Variants in CAAP1 observed in about 807,000 individuals in gnomAD.
CAAP1 encodes the protein caspase activity and apoptosis inhibitor 1.
In CAAP1, 20 loss-of-function variants were observed where a neutral mutation model predicts 34.0. That is an observed-to-expected ratio of 0.59 (90% CI 0.41 to 0.86). The LOEUF is 0.86. Ranked by LOEUF, CAAP1 falls within the 40% of genes least tolerant of loss-of-function variation. The pLI is 0.00. For missense variants in CAAP1, 538 were observed against 450.5 expected, an observed-to-expected ratio of 1.19 and a Z score of -1.76; for synonymous variants, 213 against 166.7, an observed-to-expected ratio of 1.28 and a Z score of -2.14.
intron 4 of CAAP1, among the ~76,000 whole-genome samples, chr9:26,874,345 T>C (rs12338827): frequency 0.079 from 11,954 of 151,952 alleles, 687 homozygotes; most frequent in African/African-American, 0.16. Context: ...ATATCCATCA[T>C]CTCAAACTCA....
intron 5 of CAAP1, among the ~76,000 whole-genome samples, chr9:26,849,157 T>G (rs1822684917): frequency 6.6e-6 from 1 of 152,220 alleles, no homozygotes; most frequent in Non-Finnish European, 1.5e-5. Flanking sequence ...GGTACATTGG[T>G]GAGTAGCTAG....
At chr9:26,846,810 C>T (rs140822204) in intron 5 of CAAP1, among the ~76,000 whole-genome samples, 1 of 152,038 alleles carries the variant, frequency 6.6e-6, no homozygotes, top group East Asian at 1.9e-4. Context: ...GCCTCAGCCT[C>T]CCAAGTAGCT....
intron 5 of CAAP1, among the ~76,000 whole-genome samples, chr9:26,845,805 T>A (rs1822586280): frequency 6.6e-6 from 1 of 152,248 alleles, no homozygotes; most frequent in African/African-American, 2.4e-5. Context: ...TTCCCTTTTC[T>A]CCAAAAGATT....
chr9:26,886,011 A>C (rs1470974218), intron 3 of CAAP1, 93 bp downstream of exon 3: 2 of 530,496 alleles, frequency 3.8e-6, no homozygotes, highest in East Asian at 6.4e-5. Flanking sequence ...TAATGAAATT[A>C]AATATCCAAG....
At chr9:26,872,574 T>TATATATATATATATA (rs1563888459) in intron 4 of CAAP1, among the ~76,000 whole-genome samples, 6 of 138,198 alleles carry the variant, frequency 4.3e-5, no homozygotes, top group African/African-American at 1.5e-4. Context: ...ATATATATAT[T>TATATATATATATATA]TAGACAGAGT....
chr9:26,851,780 G>A (rs981476695), intron 5 of CAAP1, among the ~76,000 whole-genome samples: 5 of 152,124 alleles, frequency 3.3e-5, no homozygotes, highest in South Asian at 4.1e-4. Flanking sequence ...TCCAAGCATC[G>A]GAGTTTGGAA....
chr9:26,855,262 A>G (rs1425121901), intron 5 of CAAP1, among the ~76,000 whole-genome samples: 1 of 152,240 alleles, frequency 6.6e-6, no homozygotes, highest in African/African-American at 2.4e-5. Context: ...AAAACTACAG[A>G]GATTCCAGGA....
At chr9:26,859,716 A>C (rs1822963181) in intron 5 of CAAP1, among the ~76,000 whole-genome samples, 1 of 152,214 alleles carries the variant, frequency 6.6e-6, no homozygotes, top group Non-Finnish European at 1.5e-5. Flanking sequence ...TTAAACTATG[A>C]ATCTGAGTTT....
chr9:26,873,176 C>T (rs577683437), intron 4 of CAAP1, among the ~76,000 whole-genome samples: 44 of 152,192 alleles, frequency 2.9e-4, no homozygotes, highest in Admixed American at 1.0e-3. Context: ...TCACTTATCA[C>T]TTCAGCAGTG....
At chr9:26,890,863 T>C (rs1300610173) in intron 1 of CAAP1, among the ~76,000 whole-genome samples, 1 of 152,006 alleles carries the variant, frequency 6.6e-6, no homozygotes, top group Non-Finnish European at 1.5e-5. Flanking sequence ...GGGAATGGCC[T>C]GAACCCGGGA....
At chr9:26,875,824 G>T (rs557384132) in intron 4 of CAAP1, among the ~76,000 whole-genome samples, 108 of 152,130 alleles carry the variant, frequency 7.1e-4, no homozygotes, top group Middle Eastern at 3.4e-3. Context: ...CCAGATTGTG[G>T]TGTGATCTCC....
intron 4 of CAAP1, among the ~76,000 whole-genome samples, chr9:26,863,640 T>C (rs1823055876): frequency 6.6e-6 from 1 of 152,120 alleles, no homozygotes; most frequent in Non-Finnish European, 1.5e-5. Context: ...CAAATATTTC[T>C]ATCAAACACT....
At chr9:26,862,846 T>C (rs1823034988) in intron 4 of CAAP1, among the ~76,000 whole-genome samples, 1 of 152,104 alleles carries the variant, frequency 6.6e-6, no homozygotes. Context: ...ATAGAGTATC[T>C]CTATCTCTTG....
At chr9:26,853,596 T>C (rs1468469904) in intron 5 of CAAP1, among the ~76,000 whole-genome samples, 1 of 152,140 alleles carries the variant, frequency 6.6e-6, no homozygotes, top group East Asian at 1.9e-4. Context: ...AAATAACCAA[T>C]GCTGTCAAAT....
intron 4 of CAAP1, among the ~76,000 whole-genome samples, chr9:26,874,152 A>G (rs895314569): frequency 2.1e-5 from 3 of 141,872 alleles, no homozygotes; most frequent in Non-Finnish European, 4.5e-5. Flanking sequence ...ACTTGCAGTG[A>G]GCCTAGATCA....
At chr9:26,889,724 T>C (rs759615337) in intron 1 of CAAP1, among the ~76,000 whole-genome samples, 16 of 151,422 alleles carry the variant, frequency 1.1e-4, no homozygotes, top group Non-Finnish European at 2.1e-4. Context: ...AAGCATTAAC[T>C]GGGCGTTGTG....
Position 26,884,847 on chromosome 9 carries a change from C to T in CAAP1, c.628G>A (p.Asp210Asn). 1 of 1,609,758 alleles carries T rather than the reference C, an allele frequency of 6.2e-7. No homozygotes were observed. The change falls in exon 4 of 6, where the codon GAT becomes AAT. Residue 210 changes from aspartate (D) to asparagine (N), a missense_variant. Physicochemically the swap from Asp to Asn is conservative, Grantham distance 23 (BLOSUM62 1). Around this residue, in one of 3 missense-constraint regions of CAAP1, gnomAD observed 514 missense variants for 408.4 expected, o/e 1.26. Transcript: ENST00000333916. The stretch of plus-strand genomic sequence containing the variant: ...TCAGATCCCATCTTAGAACCATCAT[C>T]TGCTTCCTCTTCCATATCAGAGTCC... Reference protein sequence around the residue: ...GMDSDMEEEADDGSKMGSDLV... With the variant: ...GMDSDMEEEANDGSKMGSDLV...
intron 4 of CAAP1, among the ~76,000 whole-genome samples, chr9:26,866,258 A>C (rs1319300026): frequency 6.6e-6 from 1 of 152,238 alleles, no homozygotes; most frequent in Non-Finnish European, 1.5e-5. Context: ...AAGTATATGT[A>C]CTGGGTAGGA....
At chr9:26,889,350 G>A (rs1823840706) in intron 1 of CAAP1, among the ~76,000 whole-genome samples, 2 of 152,026 alleles carry the variant, frequency 1.3e-5, no homozygotes, top group South Asian at 2.1e-4. Context: ...CCCAGGAGGC[G>A]GAGGTTGCAG....
Sources: allele counts gnomAD v4.1 joint callset (sites outside exome capture counted in the v4.1 genomes callset), GRCh38; gene constraint gnomAD v4.1.1; regional missense constraint gnomAD v4.1.1; transcripts MANE v1.5; gene names NCBI Gene and HGNC (gene_info 2026-07-23, HGNC 2026-07-21).